The following EBF1 variants were observed in gnomAD, a reference collection of about 807,000 sequenced individuals.
EBF1 encodes EBF transcription factor 1.
Under a neutral mutation model 68.4 loss-of-function variants are expected in EBF1, and 10 were observed. The observed-to-expected ratio is 0.15, with a 90% CI of 0.09 to 0.25. The LOEUF (loss-of-function observed/expected upper bound fraction) is 0.25. Ranked by LOEUF, EBF1 falls within the 10% of genes least tolerant of loss-of-function variation. EBF1 has a pLI of 1.00. For missense variants in EBF1, 509 were observed against 794.4 expected, an observed-to-expected ratio of 0.64 and a Z score of 4.32; for synonymous variants, 298 against 299.8, an observed-to-expected ratio of 0.99 and a Z score of 0.06.
intron 11 of EBF1, among the ~76,000 whole-genome samples, chr5:158,728,270 G>A (rs941652117): frequency 6.6e-6 from 1 of 152,154 alleles, no homozygotes; most frequent in Non-Finnish European, 1.5e-5. Flanking sequence ...GCCCTTGCAC[G>A]ATCAAGTGGC....
chr5:158,949,607 A>G (rs926666681), intron 6 of EBF1, among the ~76,000 whole-genome samples: 7 of 152,246 alleles, frequency 4.6e-5, no homozygotes, highest in Admixed American at 3.9e-4. Context: ...ATAATTTCCT[A>G]GAAGATAAAA....
At chr5:159,045,123 C>G (rs1169004326) in intron 6 of EBF1, among the ~76,000 whole-genome samples, 5 of 151,948 alleles carry the variant, frequency 3.3e-5, no homozygotes, top group Admixed American at 2.6e-4. Flanking sequence ...AAAAAAGAAA[C>G]TTTGGTTCAT....
Position 158,697,766 on chromosome 5 carries a change from AT to A in EBF1, c.*1344del, listed in dbSNP as rs552067533. 151 of 208,904 alleles carry A rather than the reference AT, an allele frequency of 7.2e-4. 1 individual carries two copies. The highest frequency in any genetic ancestry group is 1.3e-3 in the Non-Finnish European group (136 of 102,770). 12.9% of individuals were successfully genotyped at this position (208,904 alleles called of 1,614,324 possible). A position where few individuals can be genotyped will look rare whatever the true frequency, so the allele number is the denominator to read the frequency against. ...TTTGGCAAAAAATCACAAAAAAAAA[AT>A]CTACAGTATTTATAACTACATACAA... On this transcript the variant is annotated 3_prime_UTR_variant, in exon 16 of 16. Transcript: ENST00000313708.
At chr5:158,717,926 T>C (rs1185361880) in intron 11 of EBF1, among the ~76,000 whole-genome samples, 1 of 152,184 alleles carries the variant, frequency 6.6e-6, no homozygotes, top group Non-Finnish European at 1.5e-5. Flanking sequence ...TGGGGTTCTA[T>C]GGAGAAAAAT....
At chr5:158,865,779 T>G (rs1256196812) in intron 6 of EBF1, among the ~76,000 whole-genome samples, 1 of 152,104 alleles carries the variant, frequency 6.6e-6, no homozygotes, top group Non-Finnish European at 1.5e-5. Context: ...AACTAAACCA[T>G]AAAATTGGGT....
In EBF1 at chr5:158,969,741, T is replaced by C. The variant is rs187704241; in HGVS notation, c.554+103655A>G. The stretch of plus-strand genomic sequence containing the variant: ...AGTGAGCTGTAATCGTGCCACTGCA[T>C]TCGAGCTTGGGTGATAGAGTGAGAC... On this transcript the variant is annotated intron_variant, in intron 6 of 15. Transcript: ENST00000313708. Among the ~76,000 whole-genome samples, 139 of 150,052 alleles carry C rather than the reference T, an allele frequency of 9.3e-4. 1 individual carries two copies. The highest frequency in any genetic ancestry group is 8.5e-3 in the Admixed American group (127 of 15,014).
chr5:159,045,421 G>A lies in EBF1; in HGVS notation c.554+27975C>T, dbSNP rs181588196. On this transcript the variant is annotated intron_variant, in intron 6 of 15. Transcript: ENST00000313708. Reference sequence around the variant, plus strand: ...TCAAAATGAATTTTTTTTTCCCCTTGTATTTAAAAGAAGAAGAAAAAAAAA... The same window carrying A: ...TCAAAATGAATTTTTTTTTCCCCTTATATTTAAAAGAAGAAGAAAAAAAAA... Among the ~76,000 whole-genome samples the A allele has an allele frequency of 7.8e-3, 1,061 of 136,328 alleles. 6 individuals are homozygous for A. The highest frequency in any genetic ancestry group is 0.011 in the Non-Finnish European group (717 of 64,618). The allele number at this position is 136,328 out of a possible 152,430, so 89.4% of individuals were successfully genotyped here.
intron 6 of EBF1, among the ~76,000 whole-genome samples, chr5:158,904,786 T>A (rs1804194544): frequency 6.6e-6 from 1 of 152,140 alleles, no homozygotes; most frequent in Non-Finnish European, 1.5e-5. Context: ...ACAAGGCACA[T>A]GCTCGCCGGT....
intron 6 of EBF1, among the ~76,000 whole-genome samples, chr5:158,889,782 A>T (rs1800799121): frequency 6.6e-6 from 1 of 152,222 alleles, no homozygotes. Flanking sequence ...CCTCTTCTGC[A>T]GTTGGTCCTC....
intron 2 of EBF1, 75 bp downstream of exon 2, chr5:159,096,899 C>A (rs1254544248): frequency 6.5e-7 from 1 of 1,536,210 alleles, no homozygotes; most frequent in Non-Finnish European, 8.8e-7. Flanking sequence ...CAAGGAAGGG[C>A]GCGCTGCCCA....
rs949284872 is a variant in EBF1, at chr5:158,696,913, TTTTTTC to T, written c.*2192_*2197del. 16 of 196,716 alleles carry T rather than the reference TTTTTTC, an allele frequency of 8.1e-5. No homozygotes were observed. Among genetic ancestry groups the T allele is most frequent in the East Asian group, 4.7e-4 (6 of 12,724 alleles). 12.2% of individuals were successfully genotyped at this position (196,716 alleles called of 1,614,324 possible). ...GATTTCTTTGTTTTTTTTTTTTTCT[TTTTTTC>T]TTTTTCTTTTTTCTTAGAATGTTAG... is the stretch of plus-strand genomic sequence containing the variant. On this transcript the variant is annotated 3_prime_UTR_variant, in exon 16 of 16. Transcript: ENST00000313708.
chr5:159,069,946 T>C (rs965753488), intron 6 of EBF1, among the ~76,000 whole-genome samples: 11 of 152,348 alleles, frequency 7.2e-5, no homozygotes, highest in Middle Eastern at 3.4e-3. Context: ...ATGAAGTTTA[T>C]TGCAAACCTT....
chr5:158,730,898 C>T (rs1271932760), intron 11 of EBF1, 171 bp downstream of exon 11: 3 of 583,690 alleles, frequency 5.1e-6, no homozygotes, highest in East Asian at 2.8e-5. Context: ...ACAGTGTTGC[C>T]TGGCACATAA....
At chr5:158,741,138 C>T (rs1766293366) in intron 10 of EBF1, among the ~76,000 whole-genome samples, 1 of 152,120 alleles carries the variant, frequency 6.6e-6, no homozygotes, top group Non-Finnish European at 1.5e-5. Flanking sequence ...TGGTGGGCAC[C>T]ACACAACTTT....
chr5:159,002,274 C>G lies in EBF1; in HGVS notation c.554+71122G>C, dbSNP rs1282772346. The stretch of plus-strand genomic sequence containing the variant: ...TATTACTTTTTCCATAATTTGAAAA[C>G]ATAAAGCTCTTTCCACTGGCTGCCT... On this transcript the variant is annotated intron_variant, in intron 6 of 15. Coordinates refer to ENST00000313708, the MANE Select transcript of EBF1 (RefSeq NM_024007.5). Among the ~76,000 whole-genome samples the G allele has an allele frequency of 2.7e-5, 4 of 149,960 alleles. No homozygotes were observed. The East Asian group carries it at 8.0e-4, about 30-fold the overall frequency.
intron 4 of EBF1, among the ~76,000 whole-genome samples, chr5:159,090,851 A>G (rs1475693535): frequency 6.6e-6 from 1 of 150,400 alleles, no homozygotes; most frequent in African/African-American, 2.4e-5. Flanking sequence ...CTAATTTATT[A>G]AGCACTTAAT....
At chr5:158,892,791 C>CA (rs1044934010) in intron 6 of EBF1, among the ~76,000 whole-genome samples, 1 of 151,878 alleles carries the variant, frequency 6.6e-6, no homozygotes, top group South Asian at 2.1e-4. Context: ...AGACATTTTA[C>CA]AAAAAAAGAA....
chr5:158,828,537 C>A (rs1475088581), intron 7 of EBF1, among the ~76,000 whole-genome samples: 3 of 152,066 alleles, frequency 2.0e-5, no homozygotes, highest in Non-Finnish European at 1.5e-5. Context: ...ACACATGATA[C>A]AATTTTATAG....
At chr5:158,798,493 A>AG (rs1451573315) in intron 8 of EBF1, among the ~76,000 whole-genome samples, 2 of 152,146 alleles carry the variant, frequency 1.3e-5, no homozygotes, top group Non-Finnish European at 2.9e-5. Flanking sequence ...GGGAGGTGGA[A>AG]GGGGGTGTTT....
Sources: gnomAD v4.1 joint callset for allele counts (sites outside exome capture counted in the v4.1 genomes callset) on GRCh38, gnomAD v4.1.1 for gene constraint, MANE v1.5 for transcripts, NCBI Gene and HGNC (gene_info 2026-07-23, HGNC 2026-07-21) for gene names.